KIF26B: variants seen among roughly 807,000 people sequenced by gnomAD.
KIF26B encodes kinesin-like protein KIF26B.
In KIF26B, 63 loss-of-function variants were observed where a neutral mutation model predicts 151.2. The observed-to-expected ratio is 0.42, with a 90% CI of 0.34 to 0.51. The LOEUF (loss-of-function observed/expected upper bound fraction) is 0.51. Among genes scored for constraint, KIF26B ranks in the 20% least tolerant of loss-of-function variants. The probability of loss-of-function intolerance (pLI) is 0.07; values close to 1 mark genes in which losing one functional copy is unlikely to be tolerated. For synonymous variants in KIF26B, 1,357 were observed against 1,262.1 expected (o/e 1.08, Z -1.59); for missense variants, 2,813 against 2,913.6 (o/e 0.97, Z 0.79).
chr1:245,163,874 A>G (rs973123093), intron 2 of KIF26B, among the ~76,000 whole-genome samples: 3 of 151,964 alleles, frequency 2.0e-5, no homozygotes, highest in African/African-American at 7.2e-5. Context: ...TACTATATTC[A>G]CTGATTTTTA....
chr1:245,340,394 A>G (rs1197560472), intron 2 of KIF26B, among the ~76,000 whole-genome samples: 1 of 150,026 alleles, frequency 6.7e-6, no homozygotes, highest in Non-Finnish European at 1.5e-5. Flanking sequence ...AGACGCAACC[A>G]TCCTTTTTTT....
chr1:245,428,403 G>T (rs368629427), intron 4 of KIF26B, among the ~76,000 whole-genome samples: 4 of 152,190 alleles, frequency 2.6e-5, no homozygotes, highest in Non-Finnish European at 4.4e-5. Flanking sequence ...TCAGGCATTT[G>T]CTGTGTGAAG....
chr1:245,342,378 C>T (rs1672351872), intron 2 of KIF26B, among the ~76,000 whole-genome samples: 1 of 152,090 alleles, frequency 6.6e-6, no homozygotes, highest in South Asian at 2.1e-4. Context: ...TATAAATTCA[C>T]TTTTGCAAAA....
intron 2 of KIF26B, among the ~76,000 whole-genome samples, chr1:245,347,473 A>G (rs1672478096): frequency 6.6e-6 from 1 of 152,022 alleles, no homozygotes; most frequent in Admixed American, 6.6e-5. Flanking sequence ...GGTGCATGCT[A>G]CCATACCCGG....
At chr1:245,240,310 G>T (rs1670192187) in intron 2 of KIF26B, among the ~76,000 whole-genome samples, 1 of 152,168 alleles carries the variant, frequency 6.6e-6, no homozygotes. Flanking sequence ...GGGAGGGGAA[G>T]GCAGGGCATA....
chr1:245,608,275 C>T (rs572912541), intron 7 of KIF26B, among the ~76,000 whole-genome samples: 1 of 152,338 alleles, frequency 6.6e-6, no homozygotes, highest in East Asian at 1.9e-4. Context: ...TAAATCCCCC[C>T]ACAGTCCCAT....
chr1:245,404,387 A>G (rs1388687035), intron 3 of KIF26B, among the ~76,000 whole-genome samples: 1 of 152,170 alleles, frequency 6.6e-6, no homozygotes, highest in Non-Finnish European at 1.5e-5. Flanking sequence ...TCCCGGGTCC[A>G]ACTCTGAGAA....
intron 2 of KIF26B, among the ~76,000 whole-genome samples, chr1:245,314,965 G>C (rs1000569391): frequency 4.6e-5 from 7 of 152,164 alleles, no homozygotes; most frequent in Non-Finnish European, 7.3e-5. Flanking sequence ...TGGATCACCT[G>C]AGGTCGGGAG....
At chr1:245,342,836 C>T (rs755229412) in intron 2 of KIF26B, among the ~76,000 whole-genome samples, 73 of 152,208 alleles carry the variant, frequency 4.8e-4, no homozygotes, top group African/African-American at 6.3e-4. Flanking sequence ...CCTGTAATCC[C>T]AACACTTTGG....
At chr1:245,437,681 A>G (rs1341654647) in intron 4 of KIF26B, among the ~76,000 whole-genome samples, 3 of 152,222 alleles carry the variant, frequency 2.0e-5, no homozygotes, top group African/African-American at 7.2e-5. Context: ...CAAGGGGGAA[A>G]AGTCCTAACT....
At chr1:245,403,564 G>A (rs1674059578) in intron 3 of KIF26B, among the ~76,000 whole-genome samples, 2 of 152,154 alleles carry the variant, frequency 1.3e-5, no homozygotes, top group Admixed American at 1.3e-4. Context: ...GCGCGCATGT[G>A]TGTGTGTCCA....
chr1:245,586,411 G>C (rs1172790117), intron 5 of KIF26B, among the ~76,000 whole-genome samples: 2 of 152,142 alleles, frequency 1.3e-5, no homozygotes, highest in African/African-American at 4.8e-5. Context: ...CTGGAGTTTT[G>C]TGATTACAGA....
intron 4 of KIF26B, among the ~76,000 whole-genome samples, chr1:245,520,171 C>T (rs1661060208): frequency 7.1e-6 from 1 of 141,790 alleles, no homozygotes; most frequent in Admixed American, 7.1e-5. Context: ...AGTCTGGCAG[C>T]AAGTGATTTC....
At chr1:245,203,489 G>A (rs910540025) in intron 2 of KIF26B, among the ~76,000 whole-genome samples, 4 of 152,020 alleles carry the variant, frequency 2.6e-5, no homozygotes. Flanking sequence ...ATTTTAGCTG[G>A]GCATATGCCC....
At chr1:245,574,686 G>A (rs12079398) in intron 5 of KIF26B, among the ~76,000 whole-genome samples, 12,574 of 152,068 alleles carry the variant, frequency 0.083, 614 homozygotes, top group African/African-American at 0.11. Context: ...CAAAGGCCAG[G>A]CAAGGCACTG....
chr1:245,436,591 A>G lies in KIF26B; in HGVS notation c.1166+16846A>G, dbSNP rs113767444. Reference sequence around the variant, plus strand: ...GTCCAGAGGCAGTCTTAAGGCCTTCAACTGATTGGATGAGGCCCACCCACA... The same window carrying G: ...GTCCAGAGGCAGTCTTAAGGCCTTCGACTGATTGGATGAGGCCCACCCACA... On this transcript the variant is annotated intron_variant, in intron 4 of 14. Coordinates refer to ENST00000407071, the MANE Select transcript of KIF26B (RefSeq NM_018012.4). Among the ~76,000 whole-genome samples, 163 of 152,258 alleles carry G rather than the reference A, an allele frequency of 1.1e-3. 1 individual carries two copies. Among genetic ancestry groups the G allele is most frequent in the African/African-American group, 3.6e-3 (151 of 41,546 alleles).
chr1:245,539,612 CCT>C lies in KIF26B; in HGVS notation c.1167-1154_1167-1153del, dbSNP rs554745952. ...GCCTTCGCCTCACACTGCCCCTTCCCCTGTTTTCTTCTTCTTTTCTGTGATAA... is the reference window on the plus strand; with the variant it reads ...GCCTTCGCCTCACACTGCCCCTTCCCGTTTTCTTCTTCTTTTCTGTGATAA... On this transcript the variant is annotated intron_variant, in intron 4 of 14. Coordinates refer to ENST00000407071, the MANE Select transcript of KIF26B (RefSeq NM_018012.4). Among the ~76,000 whole-genome samples the C allele has an allele frequency of 9.5e-4, 145 of 152,214 alleles. 1 individual carries two copies. The highest frequency in any genetic ancestry group is 3.1e-3 in the African/African-American group (128 of 41,540).
intron 12 of KIF26B, among the ~76,000 whole-genome samples, chr1:245,689,746 C>T (rs1447987881): frequency 2.6e-5 from 4 of 152,098 alleles, no homozygotes; most frequent in Non-Finnish European, 1.5e-5. Flanking sequence ...TTGGTAGAGA[C>T]AAGGTTTTAC....
In KIF26B at chr1:245,597,765, C is replaced by T. The variant is rs1022893031; in HGVS notation, c.1351-4812C>T. Among the ~76,000 whole-genome samples, 2 of 152,210 alleles carry T rather than the reference C, an allele frequency of 1.3e-5. No homozygotes were observed. Among genetic ancestry groups the T allele is most frequent in the East Asian group, 3.9e-4 (2 of 5,192 alleles). The stretch of plus-strand genomic sequence containing the variant: ...ATTCTCCCTATCACTTTCAGGTACA[C>T]CAATCAAACATAGGTTTGGTCTTTT... On this transcript the variant is annotated intron_variant, in intron 5 of 14. Transcript: ENST00000407071. This position sits in a 1 kb window ranked among gnomAD's most constrained non-coding sequence, Gnocchi z 4.6.
Sources: gnomAD v4.1 joint callset for allele counts (sites outside exome capture counted in the v4.1 genomes callset) on GRCh38, gnomAD v4.1.1 for gene constraint, Gnocchi (gnomAD v3.1) non-coding constraint, MANE v1.5 for transcripts, NCBI Gene and HGNC (gene_info 2026-07-23, HGNC 2026-07-21) for gene names.